The following MRM3 variants were observed in gnomAD, a reference collection of about 807,000 sequenced individuals.
The protein encoded by MRM3 is mitochondrial rRNA methyltransferase 3, also known as rRNA methyltransferase 3, mitochondrial.
Under a neutral mutation model 29.4 loss-of-function variants are expected in MRM3, and 26 were observed. The ratio of observed to expected loss-of-function variants is 0.89; its 90% CI spans 0.65 to 1.23. The LOEUF (loss-of-function observed/expected upper bound fraction) is 1.23, where lower values mean the gene tolerates loss of function less well. MRM3 is among the 50% of genes most tolerant of loss of function. MRM3 has a pLI of 0.00. For synonymous variants in MRM3, 225 were observed against 219.0 expected (o/e 1.03, Z -0.24); for missense variants, 578 against 540.2 (o/e 1.07, Z -0.69).
rs567306519 is a variant in MRM3 at position 792,124 on chromosome 17, C to T, written c.*55C>T. 7 of 1,502,522 alleles carry T rather than the reference C, an allele frequency of 4.7e-6. No individual in the cohort carries two copies. The highest frequency in any genetic ancestry group is 4.5e-6 in the Non-Finnish European group (5 of 1,111,856). 93.1% of individuals were successfully genotyped at this position (1,502,522 alleles called of 1,614,324 possible). Reference sequence around the variant, plus strand: ...GTCTGCAGCTCCTCCTACACCAGCACACTGGTGGGAGGCTGGCGGAGTCAG... The same window carrying T: ...GTCTGCAGCTCCTCCTACACCAGCATACTGGTGGGAGGCTGGCGGAGTCAG... On this transcript the variant is annotated 3_prime_UTR_variant, in exon 4 of 4. Coordinates refer to ENST00000304478, the MANE Select transcript of MRM3 (RefSeq NM_018146.4).
rs781324569 is a variant in MRM3 at position 791,946 on chromosome 17, C to G, written c.1140C>G (p.Ile380Met). 3.1e-6 allele frequency: 5 copies of G among 1,613,910 alleles called. No homozygotes were observed. Among genetic ancestry groups the G allele is most frequent in the Admixed American group, 3.3e-5 (2 of 60,002 alleles). Residue 380 changes from isoleucine to methionine, a missense_variant, in exon 4 of 4, where the codon ATC becomes ATG. Physicochemically the swap from Ile to Met is conservative, Grantham distance 10. Transcript: ENST00000304478. Reference protein sequence around the residue: ...AESTGGKRLLIPVVPGVDSLN... With the variant: ...AESTGGKRLLMPVVPGVDSLN... Reference sequence around the variant, plus strand: ...GCACTGGTGGCAAGAGGCTGCTGATCCCCGTTGTGCCTGGTGTGGACAGCC... The same window carrying G: ...GCACTGGTGGCAAGAGGCTGCTGATGCCCGTTGTGCCTGGTGTGGACAGCC...
At position 791,736 on chromosome 17, in the gene MRM3, TCAA is replaced by T. The variant is rs764831759; in HGVS notation, c.932_934del (p.Gln311del). 20 of 1,614,182 alleles carry T rather than the reference TCAA, an allele frequency of 1.2e-5. No homozygotes were observed. In the South Asian group the frequency reaches 1.9e-4, roughly 15 times the overall value. ...CTAGTGACCATGGCTGGGTGTGTGA[TCAA>T]CGAGTGATGAAGTTTCACAAGTATG... On this transcript the variant is annotated inframe_deletion, in exon 4 of 4. Transcript: ENST00000304478.
Position 787,295 on chromosome 17 carries a change from T to C in MRM3, c.560-670T>C, listed in dbSNP as rs1045797302. On this transcript the variant is annotated intron_variant, in intron 2 of 3. Transcript: ENST00000304478. This position sits in a 1 kb window ranked among gnomAD's most constrained non-coding sequence, Gnocchi z 4.1. Reference sequence around the variant, plus strand: ...CAGCAGTTAAAGGAAAAAAGTAGCTTCAAACATATTGACATGGTAAGTTCA... The same window carrying C: ...CAGCAGTTAAAGGAAAAAAGTAGCTCCAAACATATTGACATGGTAAGTTCA... Among the ~76,000 whole-genome samples, 2 of 152,072 alleles carry C rather than the reference T, an allele frequency of 1.3e-5. No individual in the cohort carries two copies. Among genetic ancestry groups the C allele is most frequent in the Non-Finnish European group, 2.9e-5 (2 of 68,004 alleles).
intron 3 of MRM3, among the ~76,000 whole-genome samples, chr17:790,916 AC>A (rs10595613): frequency 0.038 from 69 of 1,830 alleles, 7 homozygotes; most frequent in Non-Finnish European, 0.047. Flanking sequence ...GTGCCACCAC[AC>A]CCCCCCCCCA....
intron 3 of MRM3, chr17:790,511 A>T (rs2144528672): frequency 4.9e-6 from 1 of 203,090 alleles, no homozygotes; most frequent in Non-Finnish European, 1.0e-5. Flanking sequence ...CCCAGCGCTG[A>T]TTGACCGGCT....
In MRM3 at chr17:791,808, G is replaced by A. The variant is rs761921015; in HGVS notation, c.1002G>A (p.Leu334=). The A allele has an allele frequency of 3.1e-6, 5 of 1,614,236 alleles. No homozygotes were observed. Among genetic ancestry groups the A allele is most frequent in the Non-Finnish European group, 4.2e-6 (5 of 1,180,056 alleles). ...DVETGASQDW[L]PHVEVQSYDS... ...AAACCGGAGCCAGTCAAGATTGGCT[G>A]CCTCATGTTGAGGTTCAGAGTTACG... The change falls in exon 4 of 4, where the codon CTG becomes CTA. Residue 334 remains leucine (L), a synonymous_variant. Transcript: ENST00000304478.
In MRM3 at chr17:785,832, G is replaced by A. The variant is rs1910506123; in HGVS notation, c.560-2133G>A. Among the ~76,000 whole-genome samples, 3 of 152,176 alleles carry A rather than the reference G, an allele frequency of 2.0e-5. 1 individual carries two copies. In the South Asian group the frequency reaches 6.2e-4, roughly 32 times the overall value. On this transcript the variant is annotated intron_variant, in intron 2 of 3. Coordinates refer to ENST00000304478, the MANE Select transcript of MRM3 (RefSeq NM_018146.4). ...AAATCAGTATAGCAGGCTAATAATT[G>A]TTTTTTAAATATTTAAGCCTATAAA...
chr17:783,169 C>G lies in MRM3; in HGVS notation c.401C>G (p.Ala134Gly), dbSNP rs376389257. 6.2e-7 allele frequency: 1 copy of G among 1,614,106 alleles called. No homozygotes were observed. Among genetic ancestry groups the G allele is most frequent in the Admixed American group, 1.7e-5 (1 of 60,022 alleles). ...LLEGRRLISDALKAGAVPKMF... is the reference protein window; with the variant it reads ...LLEGRRLISDGLKAGAVPKMF... ...GAAGGTCGCAGGCTCATTTCAGACG[C>G]TCTCAAGGCTGGAGCTGTGCCAAAA... is the stretch of plus-strand genomic sequence containing the variant. Residue 134 changes from alanine (A) to glycine (G), a missense_variant, in exon 2 of 4, where the codon GCT (alanine) becomes GGT (glycine). Transcript: ENST00000304478.
rs1229461277 is a variant in MRM3 at position 783,231 on chromosome 17, T to C, written c.463T>C (p.Leu155=). ...TAGCCGTCTAGAATACCTAAAGGAG[T>C]TGCCAGTCGATAAGCTGAAAGGTGT... ...FFSRLEYLKE[L]PVDKLKGVSL... is the part of the protein sequence containing the mutation. Residue 155 remains leucine, a synonymous_variant, in exon 2 of 4, where the codon TTG becomes CTG. Coordinates refer to ENST00000304478, the MANE Select transcript of MRM3 (RefSeq NM_018146.4). The C allele has an allele frequency of 6.2e-7, 1 of 1,613,756 alleles. No individual in the cohort carries two copies. Among genetic ancestry groups the C allele is most frequent in the Non-Finnish European group, 8.5e-7 (1 of 1,179,936 alleles).
intron 3 of MRM3, 121 bp from the exon 4 acceptor site, chr17:791,413 C>G: frequency 2.0e-6 from 2 of 1,025,238 alleles, no homozygotes; most frequent in South Asian, 3.4e-5. Flanking sequence ...TCCCATCCCT[C>G]AAGAAAGCTA....
intron 2 of MRM3, among the ~76,000 whole-genome samples, chr17:783,861 C>G (rs368741958): frequency 3.3e-5 from 5 of 152,194 alleles, no homozygotes; most frequent in African/African-American, 1.2e-4. Context: ...CTCAAACCTT[C>G]TATTTTTTAG....
Position 787,976 on chromosome 17 carries a change from A to T in MRM3, c.571A>T (p.Lys191Ter). ...TPQGIMGIFAKPDHVKMTYPK... is the reference protein window; with the variant it reads ...TPQGIMGIFA ...TTTTGTTTCCTCAGGGATTTTTGCC[A>T]AGCCTGACCATGTTAAGATGACATA... Residue 191 changes from lysine to a stop codon, truncating the protein, a stop_gained, in exon 3 of 4, where the codon AAG becomes TAG. Transcript: ENST00000304478. LOFTEE classifies it high-confidence loss of function. The surrounding 1 kb of genome is among the most constrained non-coding windows in gnomAD (Gnocchi z 4.1). 3.7e-6 allele frequency: 6 copies of T among 1,613,580 alleles called. No homozygotes were observed. The highest frequency in any genetic ancestry group is 5.1e-6 in the Non-Finnish European group (6 of 1,179,996).
In MRM3 at chr17:787,988, G is replaced by C; in HGVS notation, c.583G>C (p.Val195Leu). ...AGGGATTTTTGCCAAGCCTGACCAT[G>C]TTAAGATGACATATCCAAAGACTCA... ...IMGIFAKPDH[V>L]KMTYPKTQLQ... Residue 195 changes from valine (V) to leucine (L), a missense_variant, in exon 3 of 4, where the codon GTT becomes CTT. Coordinates refer to ENST00000304478, the MANE Select transcript of MRM3 (RefSeq NM_018146.4). This position sits in a 1 kb window ranked among gnomAD's most constrained non-coding sequence, Gnocchi z 4.1. 1.2e-6 allele frequency: 2 copies of C among 1,613,958 alleles called. No homozygotes were observed. The highest frequency in any genetic ancestry group is 1.7e-6 in the Non-Finnish European group (2 of 1,180,024).
Position 791,840 on chromosome 17 carries a change from A to G in MRM3, c.1034A>G (p.Asp345Gly), listed in dbSNP as rs1450324192. Reference sequence around the variant, plus strand: ...GTTGAGGTTCAGAGTTACGACTCGGACTGGACAGAGGCGCCGGCAGCTGTG... The same window carrying G: ...GTTGAGGTTCAGAGTTACGACTCGGGCTGGACAGAGGCGCCGGCAGCTGTG... ...PHVEVQSYDS[D>G]WTEAPAAVVI... Residue 345 changes from aspartate to glycine, a missense_variant, in exon 4 of 4, where the codon GAC becomes GGC. Physicochemically the swap from Asp to Gly is moderately conservative, Grantham distance 94 (BLOSUM62 -1). Coordinates refer to ENST00000304478, the MANE Select transcript of MRM3 (RefSeq NM_018146.4). 1 of 1,614,138 alleles carries G rather than the reference A, an allele frequency of 6.2e-7. No individual in the cohort carries two copies. The highest frequency in any genetic ancestry group is 2.2e-5 in the East Asian group (1 of 44,886).
intron 3 of MRM3, chr17:790,274 C>T (rs1235564028): frequency 6.6e-6 from 1 of 152,518 alleles, no homozygotes; most frequent in African/African-American, 2.4e-5. Flanking sequence ...GGGGTTGCCT[C>T]TTGCCTCATT....
Position 782,605 on chromosome 17 carries a change from TCGAGGAGTCCGCATCCCGCG to T in MRM3, c.229_248del (p.Glu77SerfsTer13). ...CAGGAGCAACGAGAGAAACAACCGC[TCGAGGAGTCCGCATCCCGCG>T]CTCCCAGCACCTGGGAAGAGTCTGG... On this transcript the variant is annotated frameshift_variant, in exon 1 of 4. Coordinates refer to ENST00000304478, the MANE Select transcript of MRM3 (RefSeq NM_018146.4). LOFTEE classifies it high-confidence loss of function. 1.2e-6 allele frequency: 2 copies of T among 1,613,954 alleles called. No homozygotes were observed. Among genetic ancestry groups the T allele is most frequent in the Non-Finnish European group, 1.7e-6 (2 of 1,179,966 alleles).
Position 792,489 on chromosome 17 carries a change from T to A in MRM3, c.*420T>A, listed in dbSNP as rs1910872844. 1 of 173,718 alleles carries A rather than the reference T, an allele frequency of 5.8e-6. No individual in the cohort carries two copies. Among genetic ancestry groups the A allele is most frequent in the Admixed American group, 5.4e-5 (1 of 18,380 alleles). The allele number at this position is 173,718 out of a possible 1,614,324, so 10.8% of individuals were successfully genotyped here. A position where few individuals can be genotyped will look rare whatever the true frequency, so the allele number is the denominator to read the frequency against. ...GATCACTGGTTGGTGGAAAATAAAC[T>A]ATGAGCAGCAGATTACGTTAGTAAG... On this transcript the variant is annotated 3_prime_UTR_variant, in exon 4 of 4. Transcript: ENST00000304478.
intron 2 of MRM3, chr17:783,537 A>G (rs1463185374): frequency 9.4e-6 from 4 of 426,672 alleles, no homozygotes; most frequent in South Asian, 5.2e-5. Context: ...GGGTTTCACC[A>G]TGTTGGCCAG....
Position 791,672 on chromosome 17 carries a change from A to G in MRM3, c.866A>G (p.Asn289Ser). The change falls in exon 4 of 4, where the codon AAC becomes AGC. Residue 289 changes from asparagine (N) to serine (S), a missense_variant. Asn to Ser is a conservative substitution (Grantham distance 46, BLOSUM62 1). Transcript: ENST00000304478. ...PPDTRVYVAD[N>S]CGLYAQAEMS... Reference sequence around the variant, plus strand: ...GACACTCGGGTCTATGTGGCTGACAACTGTGGCCTTTATGCCCAGGCTGAG... The same window carrying G: ...GACACTCGGGTCTATGTGGCTGACAGCTGTGGCCTTTATGCCCAGGCTGAG... The G allele has an allele frequency of 6.2e-7, 1 of 1,614,178 alleles. No homozygotes were observed. The highest frequency in any genetic ancestry group is 8.5e-7 in the Non-Finnish European group (1 of 1,180,018).
Sources: allele counts gnomAD v4.1 joint callset (sites outside exome capture counted in the v4.1 genomes callset), GRCh38; gene constraint gnomAD v4.1.1; non-coding constraint Gnocchi (gnomAD v3.1); transcripts MANE v1.5; gene names NCBI Gene and HGNC (gene_info 2026-07-23, HGNC 2026-07-21).